Variants in TMC7 observed in about 807,000 individuals in gnomAD.
TMC7 encodes the protein transmembrane channel-like protein 7.
TMC7 carries 54 observed loss-of-function variants against 82.9 expected under a neutral mutation model. That is an observed-to-expected ratio of 0.65 (90% CI 0.52 to 0.82). The LOEUF (loss-of-function observed/expected upper bound fraction) is 0.82, where lower values mean the gene tolerates loss of function less well. Ranked by LOEUF, TMC7 falls within the 40% of genes least tolerant of loss-of-function variation. TMC7 has a pLI of 0.00. For synonymous variants in TMC7, 350 were observed against 337.9 expected (o/e 1.04, Z -0.39); for missense variants, 820 against 901.2 (o/e 0.91, Z 1.15).
chr16:19,047,915 G>T (rs1459445022), intron 12 of TMC7, among the ~76,000 whole-genome samples: 1 of 149,762 alleles, frequency 6.7e-6, no homozygotes, highest in Non-Finnish European at 1.5e-5. Flanking sequence ...TGGCCAAGCT[G>T]GTCTTGAACT....
At chr16:18,984,348 C>A in intron 1 of TMC7, 1 of 1,296,632 alleles carries the variant, frequency 7.7e-7, no homozygotes, top group Non-Finnish European at 9.7e-7. Flanking sequence ...CCCAGCCGGG[C>A]CAAAAGGACA....
At chr16:19,059,982 T>C (rs910791865) in intron 15 of TMC7, 3 of 303,564 alleles carry the variant, frequency 9.9e-6, no homozygotes, top group Non-Finnish European at 1.9e-5. Context: ...ATCTTAAAAA[T>C]AAAAATAAAA....
At chr16:19,054,821 T>G (rs1395313633) in intron 13 of TMC7, among the ~76,000 whole-genome samples, 1 of 147,876 alleles carries the variant, frequency 6.8e-6, no homozygotes, top group East Asian at 2.1e-4. Flanking sequence ...CTTGGCTCAT[T>G]GCAACCTCCG....
intron 13 of TMC7, among the ~76,000 whole-genome samples, chr16:19,052,898 A>G (rs1961600310): frequency 6.6e-6 from 1 of 151,938 alleles, no homozygotes; most frequent in African/African-American, 2.4e-5. Context: ...TTTTTAGTAG[A>G]GACAGGGTAT....
intron 7 of TMC7, among the ~76,000 whole-genome samples, chr16:19,037,052 G>T (rs1419567367): frequency 6.6e-6 from 1 of 152,162 alleles, no homozygotes; most frequent in African/African-American, 2.4e-5. Flanking sequence ...CCCAATTGCA[G>T]TCTTAAATAG....
intron 9 of TMC7, among the ~76,000 whole-genome samples, chr16:19,041,421 A>G (rs1168409995): frequency 1.3e-5 from 2 of 151,508 alleles, no homozygotes; most frequent in South Asian, 2.1e-4. Context: ...GCTGGAGTGC[A>G]GTGGCGTGAT....
intron 3 of TMC7, among the ~76,000 whole-genome samples, 164 bp from the exon 4 acceptor site, chr16:19,021,465 C>G (rs1959970645): frequency 6.6e-6 from 1 of 152,080 alleles, no homozygotes; most frequent in Non-Finnish European, 1.5e-5. Flanking sequence ...AGTGAAAACA[C>G]TAGAAGATCG....
intron 1 of TMC7, among the ~76,000 whole-genome samples, chr16:18,991,071 A>G (rs2038942574): frequency 1.3e-5 from 2 of 152,124 alleles, no homozygotes; most frequent in African/African-American, 4.8e-5. Context: ...GTATGGAGAG[A>G]TAATGGGTGA....
intron 8 of TMC7, among the ~76,000 whole-genome samples, chr16:19,038,616 A>T (rs923129848): frequency 6.6e-6 from 1 of 151,878 alleles, no homozygotes; most frequent in Non-Finnish European, 1.5e-5. Flanking sequence ...TCCCAGGTTC[A>T]AGTGATTCTC....
intron 15 of TMC7, 177 bp downstream of exon 15, chr16:19,059,671 C>T: frequency 1.3e-6 from 2 of 1,539,412 alleles, no homozygotes; most frequent in Non-Finnish European, 1.7e-6. Flanking sequence ...ACTGATTCAT[C>T]CATTCCTTCA....
At chr16:18,989,677 G>C (rs2038914484) in intron 1 of TMC7, among the ~76,000 whole-genome samples, 1 of 150,902 alleles carries the variant, frequency 6.6e-6, no homozygotes, top group African/African-American at 2.4e-5. Flanking sequence ...TTCTAGTCAA[G>C]CGAGACGCAC....
At chr16:18,990,786 G>T (rs1296744972) in intron 1 of TMC7, among the ~76,000 whole-genome samples, 1 of 152,118 alleles carries the variant, frequency 6.6e-6, no homozygotes, top group Non-Finnish European at 1.5e-5. Flanking sequence ...AGATTATAAA[G>T]AACCTTCTTA....
intron 8 of TMC7, among the ~76,000 whole-genome samples, chr16:19,039,477 G>C (rs1034325112): frequency 2.0e-5 from 3 of 152,094 alleles, no homozygotes; most frequent in African/African-American, 7.2e-5. Flanking sequence ...GCTAAGGAGG[G>C]CACATTTCTT....
intron 3 of TMC7, among the ~76,000 whole-genome samples, chr16:19,016,912 G>A (rs1193951030): frequency 1.3e-5 from 2 of 152,076 alleles, no homozygotes; most frequent in African/African-American, 2.4e-5. Context: ...AAGACCAGGC[G>A]CAGTGGCTCA....
chr16:19,022,831 C>T (rs759019056), intron 4 of TMC7, among the ~76,000 whole-genome samples: 2 of 152,188 alleles, frequency 1.3e-5, no homozygotes, highest in Non-Finnish European at 2.9e-5. Flanking sequence ...GAGTTCAAGA[C>T]CAGCCTGGCG....
At chr16:19,044,745 G>A in intron 9 of TMC7, 139 bp from the exon 10 acceptor site, 1 of 601,870 alleles carries the variant, frequency 1.7e-6, no homozygotes, top group Admixed American at 3.0e-5. Context: ...TCCAGCCTGG[G>A]CAACAGAGCA....
intron 4 of TMC7, among the ~76,000 whole-genome samples, chr16:19,022,194 G>T (rs1960011662): frequency 6.6e-6 from 1 of 152,200 alleles, no homozygotes; most frequent in Admixed American, 6.5e-5. Context: ...ATCCCCAGAT[G>T]TGTGGGGAGA....
chr16:19,000,767 T>C (rs2039128093), intron 1 of TMC7, among the ~76,000 whole-genome samples: 1 of 152,274 alleles, frequency 6.6e-6, no homozygotes, highest in South Asian at 2.1e-4. Context: ...CCCTGTAATT[T>C]CAATACTTTG....
At position 19,040,443 on chromosome 16, in the gene TMC7, T is replaced by C. The variant is rs767391187; in HGVS notation, c.1334T>C (p.Leu445Pro). ...SPGFEIRLTI[L>P]RCVFMRLATI... ...GGCTTTGAGATCCGTCTGACAATCC[T>C]TAGGTAATGCCTAACATGAAGATGG... Residue 445 changes from leucine to proline, a missense_variant, in exon 9 of 16, where the codon CTT (leucine) becomes CCT (proline). Around this residue, in one of 2 missense-constraint regions of TMC7, gnomAD observed 650 missense variants for 669.9 expected, o/e 0.97. Coordinates refer to ENST00000304381, the MANE Select transcript of TMC7 (RefSeq NM_024847.4). 8 of 1,610,076 alleles carry C rather than the reference T, an allele frequency of 5.0e-6. No homozygotes were observed. The highest frequency in any genetic ancestry group is 6.8e-6 in the Non-Finnish European group (8 of 1,179,618).
Sources: gnomAD v4.1 joint callset for allele counts (sites outside exome capture counted in the v4.1 genomes callset) on GRCh38, gnomAD v4.1.1 for gene constraint, gnomAD v4.1.1 regional missense constraint, MANE v1.5 for transcripts, NCBI Gene and HGNC (gene_info 2026-07-23, HGNC 2026-07-21) for gene names.